Variants in PDE9A observed in about 807,000 individuals in gnomAD.
PDE9A encodes the protein phosphodiesterase 9A.
In PDE9A, 60 loss-of-function variants were observed where a neutral mutation model predicts 87.4. The ratio of observed to expected loss-of-function variants is 0.69; its 90% CI spans 0.56 to 0.85. The LOEUF (loss-of-function observed/expected upper bound fraction) is 0.85, where lower values mean the gene tolerates loss of function less well. Among genes scored for constraint, PDE9A ranks in the 40% least tolerant of loss-of-function variants. PDE9A has a pLI of 0.00. For synonymous variants in PDE9A, 272 were observed against 279.4 expected, an observed-to-expected ratio of 0.97 and a Z score of 0.27; for missense variants, 665 against 779.0, an observed-to-expected ratio of 0.85 and a Z score of 1.74.
Position 42,772,535 on chromosome 21 carries a change from G to A in PDE9A, c.1768+15G>A, listed in dbSNP as rs1251994743. 2 of 1,541,190 alleles carry A rather than the reference G, an allele frequency of 1.3e-6. No homozygotes were observed. The highest frequency in any genetic ancestry group is 3.6e-5 in the Admixed American group (2 of 56,222). ...AAACAGTGAAGGTAATGCTTGCTCT[G>A]CTGAAGTGGCATCTCAGCGCATACA... is the stretch of plus-strand genomic sequence containing the variant. On this transcript the variant is annotated intron_variant, in intron 19 of 19. Coordinates refer to ENST00000291539, the MANE Select transcript of PDE9A (RefSeq NM_002606.3).
chr21:42,679,104 G>A (rs554007016), intron 1 of PDE9A, among the ~76,000 whole-genome samples: 2 of 152,294 alleles, frequency 1.3e-5, no homozygotes, highest in East Asian at 1.9e-4. Flanking sequence ...GGAGGGGATC[G>A]CGCTGCACCA....
At chr21:42,670,666 CAT>C (rs1461901316) in intron 1 of PDE9A, among the ~76,000 whole-genome samples, 4 of 147,264 alleles carry the variant, frequency 2.7e-5, no homozygotes, top group South Asian at 2.1e-4. Flanking sequence ...CACATACACA[CAT>C]ACACATGCAT....
At chr21:42,663,903 T>A (rs2057777603) in intron 1 of PDE9A, among the ~76,000 whole-genome samples, 1 of 152,188 alleles carries the variant, frequency 6.6e-6, no homozygotes, top group South Asian at 2.1e-4. Context: ...TGTTGATGGC[T>A]GAGGTCATCA....
Position 42,762,245 on chromosome 21 carries a change from T to G in PDE9A, c.1242+6T>G, listed in dbSNP as rs375237934. On this transcript the variant is annotated splice_donor_region_variant and intron_variant, in intron 14 of 19. Transcript: ENST00000291539. Reference sequence around the variant, plus strand: ...GGTTCAAGCAGATCCGACAGGTGTGTGGGGTGAGGGCCCTCCCACCGGAGT... The same window carrying G: ...GGTTCAAGCAGATCCGACAGGTGTGGGGGGTGAGGGCCCTCCCACCGGAGT... 3 of 1,613,146 alleles carry G rather than the reference T, an allele frequency of 1.9e-6. No homozygotes were observed. In the African/African-American group the frequency reaches 4.0e-5, roughly 22 times the overall value.
intron 3 of PDE9A, among the ~76,000 whole-genome samples, chr21:42,691,409 C>G (rs1156538320): frequency 6.7e-6 from 1 of 149,824 alleles, no homozygotes; most frequent in African/African-American, 2.5e-5. Context: ...ACCAGCCTTT[C>G]ACCATCACCA....
intron 4 of PDE9A, among the ~76,000 whole-genome samples, chr21:42,716,040 T>C (rs1037063421): frequency 2.6e-5 from 4 of 151,878 alleles, no homozygotes; most frequent in South Asian, 2.1e-4. Flanking sequence ...TACTAATATG[T>C]CTTTAAGATT....
At chr21:42,665,103 G>A (rs988654307) in intron 1 of PDE9A, among the ~76,000 whole-genome samples, 4 of 152,232 alleles carry the variant, frequency 2.6e-5, no homozygotes, top group Non-Finnish European at 4.4e-5. Flanking sequence ...AACGGAAGAC[G>A]TAGAGACAGA....
rs1334620720 is a variant in PDE9A, at chr21:42,660,633, A to G, written c.69+6750A>G. Among the ~76,000 whole-genome samples, 1 of 151,966 alleles carries G rather than the reference A, an allele frequency of 6.6e-6. No individual in the cohort carries two copies. Among genetic ancestry groups the G allele is most frequent in the Non-Finnish European group, 1.5e-5 (1 of 67,982 alleles). ...CCAAACACTATTGGAATTAAAAAAA[A>G]AAAAAAAGATTAAAATGGTTAAAAA... On this transcript the variant is annotated intron_variant, in intron 1 of 19. Transcript: ENST00000291539. This position sits in a 1 kb window ranked among gnomAD's most constrained non-coding sequence, Gnocchi z 4.7.
intron 17 of PDE9A, among the ~76,000 whole-genome samples, chr21:42,769,736 G>A (rs2056851100): frequency 2.1e-5 from 1 of 47,670 alleles, no homozygotes; most frequent in African/African-American, 1.6e-4. Flanking sequence ...ACGTACAGAG[G>A]CACACACATG....
chr21:42,700,098 T>G (rs1264907071), intron 4 of PDE9A, among the ~76,000 whole-genome samples: 1 of 152,174 alleles, frequency 6.6e-6, no homozygotes, highest in Non-Finnish European at 1.5e-5. Flanking sequence ...TTTGAGAGTT[T>G]CATATATAAG....
chr21:42,726,284 G>T (rs1326226634), intron 4 of PDE9A, among the ~76,000 whole-genome samples: 1 of 151,908 alleles, frequency 6.6e-6, no homozygotes, highest in Non-Finnish European at 1.5e-5. Context: ...CTCTTACCAG[G>T]ATCTTTCTCT....
intron 7 of PDE9A, chr21:42,733,703 C>T: frequency 2.2e-6 from 1 of 455,544 alleles, no homozygotes; most frequent in East Asian, 3.6e-5. Context: ...CCGCACTTAG[C>T]CCCTCTGAGA....
At position 42,768,297 on chromosome 21, in the gene PDE9A, G is replaced by A; in HGVS notation, c.1461+5G>A. On this transcript the variant is annotated splice_donor_5th_base_variant and intron_variant, in intron 16 of 19. Transcript: ENST00000291539. ...TTAGAGGAATATTTTATGCAGGTAA[G>A]AGTCTTGCAGAGCAATCAAGCCTCC... 6.6e-7 allele frequency: 1 copy of A among 1,508,054 alleles called. No individual in the cohort carries two copies. Among genetic ancestry groups the A allele is most frequent in the Non-Finnish European group, 9.2e-7 (1 of 1,083,476 alleles). The allele number at this position is 1,508,054 out of a possible 1,614,324, so 93.4% of individuals were successfully genotyped here. A position where few individuals can be genotyped will look rare whatever the true frequency, so the allele number is the denominator to read the frequency against.
At chr21:42,737,809 C>A (rs2052623641) in intron 7 of PDE9A, among the ~76,000 whole-genome samples, 1 of 152,190 alleles carries the variant, frequency 6.6e-6, no homozygotes, top group African/African-American at 2.4e-5. Context: ...GAACTGGCCA[C>A]CTTAAGGCCA....
chr21:42,740,712 A>ATAGG (rs2053118607), intron 7 of PDE9A, among the ~76,000 whole-genome samples: 2 of 136,184 alleles, frequency 1.5e-5, no homozygotes, highest in South Asian at 4.8e-4. Flanking sequence ...TAGTAGATAG[A>ATAGG]TAGATAGATA....
chr21:42,678,694 T>C (rs1276792967), intron 1 of PDE9A, among the ~76,000 whole-genome samples: 1 of 152,274 alleles, frequency 6.6e-6, no homozygotes, highest in Non-Finnish European at 1.5e-5. Flanking sequence ...CGTCAATGCA[T>C]GCTCCAAAAA....
Position 42,731,673 on chromosome 21 carries a change from A to G in PDE9A, c.263-97A>G, listed in dbSNP as rs1395727072. On this transcript the variant is annotated intron_variant, in intron 4 of 19. Transcript: ENST00000291539. ...TGTTCTGAATTGAGACGTGCCTTGCACTCACTTTGTCCCAGTAATTGCCCC... is the reference window on the plus strand; with the variant it reads ...TGTTCTGAATTGAGACGTGCCTTGCGCTCACTTTGTCCCAGTAATTGCCCC... 1.4e-5 allele frequency: 17 copies of G among 1,230,742 alleles called. No homozygotes were observed. The Admixed American group carries it at 2.7e-4, about 19-fold the overall frequency. 76.2% of individuals were successfully genotyped at this position (1,230,742 alleles called of 1,614,324 possible).
At chr21:42,716,803 T>G (rs1368039431) in intron 4 of PDE9A, among the ~76,000 whole-genome samples, 2 of 130,756 alleles carry the variant, frequency 1.5e-5, no homozygotes, top group African/African-American at 5.8e-5. Context: ...CAGGCTGGAG[T>G]GCAGTAGTGA....
chr21:42,702,048 T>A lies in PDE9A; in HGVS notation c.262+3037T>A, dbSNP rs1226461428. On this transcript the variant is annotated intron_variant, in intron 4 of 19. Transcript: ENST00000291539. This position sits in a 1 kb window ranked among gnomAD's most constrained non-coding sequence, Gnocchi z 4.9. ...ATCATATTTTTCATGAAATTTGGAA[T>A]TTTTTCTGCTCTCCTCTGTCTCTCT... is the stretch of plus-strand genomic sequence containing the variant. 1.3e-5 allele frequency among the ~76,000 whole-genome samples: 2 copies of A among 152,176 alleles called. No individual in the cohort carries two copies. The highest frequency in any genetic ancestry group is 2.9e-5 in the Non-Finnish European group (2 of 68,026).
Sources: allele counts gnomAD v4.1 joint callset (sites outside exome capture counted in the v4.1 genomes callset), GRCh38; gene constraint gnomAD v4.1.1; non-coding constraint Gnocchi (gnomAD v3.1); transcripts MANE v1.5; gene names NCBI Gene and HGNC (gene_info 2026-07-23, HGNC 2026-07-21).